The following MYO3B variants were observed in gnomAD, a reference collection of about 807,000 sequenced individuals.
MYO3B encodes the protein myosin-IIIb.
MYO3B carries 156 observed loss-of-function variants against 174.6 expected under a neutral mutation model. The ratio of observed to expected loss-of-function variants is 0.89; its 90% CI spans 0.78 to 1.02. MYO3B has a LOEUF of 1.02. MYO3B is among the 50% of genes least tolerant of loss of function. MYO3B has a pLI of 0.00. For synonymous variants in MYO3B, 563 were observed against 569.1 expected (o/e 0.99, Z 0.15); for missense variants, 1,632 against 1,639.4 (o/e 1.00, Z 0.08).
At chr2:170,539,578 T>C (rs1026936637) in intron 30 of MYO3B, among the ~76,000 whole-genome samples, 10 of 152,076 alleles carry the variant, frequency 6.6e-5, no homozygotes, top group Non-Finnish European at 1.3e-4. Context: ...TATTAACAGT[T>C]TGTCTATGAT....
chr2:170,380,930 A>G (rs2094330601), intron 9 of MYO3B, among the ~76,000 whole-genome samples: 1 of 152,206 alleles, frequency 6.6e-6, no homozygotes, highest in Non-Finnish European at 1.5e-5. Context: ...AGCCTGGACA[A>G]CAAAGCAAAA....
At position 170,178,919 on chromosome 2, in the gene MYO3B, T is replaced by C. The variant is rs1473486058; in HGVS notation, c.2+630T>C. Among the ~76,000 whole-genome samples, 6 of 152,174 alleles carry C rather than the reference T, an allele frequency of 3.9e-5. No homozygotes were observed. In the East Asian group the frequency reaches 1.2e-3, roughly 29 times the overall value. On this transcript the variant is annotated intron_variant, in intron 1 of 34. Coordinates refer to ENST00000408978, the MANE Select transcript of MYO3B (RefSeq NM_138995.5). ...TTTGGTAACATGACAATGTAAACAA[T>C]AGTAGATAAATTCCATTATGCCATG...
At chr2:170,544,453 A>G (rs1299725276) in intron 32 of MYO3B, among the ~76,000 whole-genome samples, 1 of 152,222 alleles carries the variant, frequency 6.6e-6, no homozygotes, top group Non-Finnish European at 1.5e-5. Context: ...GTCTTGCTAC[A>G]GAATATAGTA....
chr2:170,567,389 T>C (rs1692135302), intron 32 of MYO3B, among the ~76,000 whole-genome samples: 1 of 152,228 alleles, frequency 6.6e-6, no homozygotes, highest in Non-Finnish European at 1.5e-5. Context: ...CTGATTTTAG[T>C]TGATGCTAGT....
At chr2:170,441,289 A>C (rs934795446) in intron 22 of MYO3B, among the ~76,000 whole-genome samples, 2 of 152,158 alleles carry the variant, frequency 1.3e-5, no homozygotes, top group Non-Finnish European at 2.9e-5. Context: ...CCCAGCTAAG[A>C]CTTCCAGTAC....
Position 170,651,706 on chromosome 2 carries a change from A to T in MYO3B, c.3812A>T (p.Glu1271Val). Residue 1271 changes from glutamate (E) to valine (V), a missense_variant, in exon 33 of 35, where the codon GAG (glutamate) becomes GTG (valine). Glu to Val is a moderately radical substitution (Grantham distance 121, BLOSUM62 -2). Coordinates refer to ENST00000408978, the MANE Select transcript of MYO3B (RefSeq NM_138995.5). The stretch of plus-strand genomic sequence containing the variant: ...CAGCCCAAAATGCTGAGTAGCCCTG[A>T]GGACACCATGTACTATAACCAGTTA... ...CQQPKMLSSP[E>V]DTMYYNQLNG... is the part of the protein sequence containing the mutation. The T allele has an allele frequency of 6.2e-7, 1 of 1,614,124 alleles. No individual in the cohort carries two copies. The highest frequency in any genetic ancestry group is 1.1e-5 in the South Asian group (1 of 91,084).
At chr2:170,595,663 C>G (rs1219003703) in intron 32 of MYO3B, among the ~76,000 whole-genome samples, 16 of 152,068 alleles carry the variant, frequency 1.1e-4, no homozygotes, top group Admixed American at 9.8e-4. Flanking sequence ...AGTCTTGAAC[C>G]CTGGGCTCAA....
chr2:170,245,417 A>G (rs919846551), intron 7 of MYO3B, among the ~76,000 whole-genome samples: 1 of 152,198 alleles, frequency 6.6e-6, no homozygotes, highest in Non-Finnish European at 1.5e-5. Context: ...AGCACCCACT[A>G]CCAGCATCCC....
Position 170,236,034 on chromosome 2 carries a change from G to C in MYO3B, c.647G>C (p.Arg216Pro). 1 of 1,614,028 alleles carries C rather than the reference G, an allele frequency of 6.2e-7. No individual in the cohort carries two copies. Among genetic ancestry groups the C allele is most frequent in the Non-Finnish European group, 8.5e-7 (1 of 1,180,016 alleles). ...CAGTATGACTCTTCCTATGACGCTC[G>C]CTGTGACGTCTGGTCCTTGGGGATC... ...EQQYDSSYDA[R>P]CDVWSLGITA... The change falls in exon 7 of 35, where the codon CGC becomes CCC. Residue 216 changes from arginine to proline, a missense_variant. By Grantham distance (103) the Arg-to-Pro change is moderately radical. Coordinates refer to ENST00000408978, the MANE Select transcript of MYO3B (RefSeq NM_138995.5).
chr2:170,387,361 A>G lies in MYO3B; in HGVS notation c.1577+53A>G, dbSNP rs1354926586. 7.1e-6 allele frequency: 11 copies of G among 1,543,802 alleles called. No individual in the cohort carries two copies. In the East Asian group the frequency reaches 2.5e-4, roughly 35 times the overall value. On this transcript the variant is annotated intron_variant, in intron 14 of 34. Transcript: ENST00000408978. Reference sequence around the variant, plus strand: ...TTTGCCCTGCAGTAAAAACTGGGAGACTTTGGAAATTTTAATGGTTCAGTT... The same window carrying G: ...TTTGCCCTGCAGTAAAAACTGGGAGGCTTTGGAAATTTTAATGGTTCAGTT...
chr2:170,609,481 A>G (rs6725616), intron 32 of MYO3B, among the ~76,000 whole-genome samples: 32,423 of 152,108 alleles, frequency 0.21, 4,454 homozygotes, highest in East Asian at 0.44. Context: ...CACTGTGTGC[A>G]GGTGTGGAGG....
At chr2:170,293,806 CT>C (rs11347929) in intron 7 of MYO3B, among the ~76,000 whole-genome samples, 101,639 of 150,770 alleles carry the variant, frequency 0.67, 34,287 homozygotes, top group Admixed American at 0.73. Context: ...CCAAAGAAGC[CT>C]TTTTTTTTTA....
chr2:170,307,536 A>C lies in MYO3B; in HGVS notation c.750-27849A>C, dbSNP rs189969319. On this transcript the variant is annotated intron_variant, in intron 7 of 34. Coordinates refer to ENST00000408978, the MANE Select transcript of MYO3B (RefSeq NM_138995.5). ...TGATCCTCTTAAACTGTGAAATTCTATTTTAGTGTAGATTCCCTATCCTTC... is the reference window on the plus strand; with the variant it reads ...TGATCCTCTTAAACTGTGAAATTCTCTTTTAGTGTAGATTCCCTATCCTTC... 3.2e-4 allele frequency among the ~76,000 whole-genome samples: 49 copies of C among 152,148 alleles called. 1 individual carries two copies. The highest frequency in any genetic ancestry group is 3.9e-4 in the Admixed American group (6 of 15,278).
chr2:170,247,710 G>A (rs1489428405), intron 7 of MYO3B, among the ~76,000 whole-genome samples: 1 of 152,294 alleles, frequency 6.6e-6, no homozygotes, highest in Non-Finnish European at 1.5e-5. Context: ...GTAGCTTCTT[G>A]CTGTGTCTTC....
chr2:170,275,757 T>A (rs1334879856), intron 7 of MYO3B, among the ~76,000 whole-genome samples: 1 of 152,128 alleles, frequency 6.6e-6, no homozygotes, highest in Non-Finnish European at 1.5e-5. Context: ...TTAAAAAAAA[T>A]ACCTGGATTT....
At chr2:170,250,781 G>A (rs1383268660) in intron 7 of MYO3B, among the ~76,000 whole-genome samples, 1 of 152,116 alleles carries the variant, frequency 6.6e-6, no homozygotes, top group Non-Finnish European at 1.5e-5. Context: ...GATGGATGAG[G>A]AGCTGGACAG....
At chr2:170,379,677 C>T (rs906449397) in intron 9 of MYO3B, among the ~76,000 whole-genome samples, 4 of 152,144 alleles carry the variant, frequency 2.6e-5, no homozygotes, top group African/African-American at 9.7e-5. Flanking sequence ...TCTTTGCCAT[C>T]ACCAATATGT....
chr2:170,372,420 A>G (rs530358686), intron 9 of MYO3B, among the ~76,000 whole-genome samples: 1 of 152,312 alleles, frequency 6.6e-6, no homozygotes, highest in South Asian at 2.1e-4. Flanking sequence ...GTGCAAATTC[A>G]TCTTTTTACT....
chr2:170,365,660 C>A (rs1049510637), intron 8 of MYO3B, among the ~76,000 whole-genome samples: 1 of 152,162 alleles, frequency 6.6e-6, no homozygotes. Flanking sequence ...TAGAATAAAG[C>A]TATACCTTCA....
Sources: allele counts gnomAD v4.1 joint callset (sites outside exome capture counted in the v4.1 genomes callset), GRCh38; gene constraint gnomAD v4.1.1; transcripts MANE v1.5; gene names NCBI Gene and HGNC (gene_info 2026-07-23, HGNC 2026-07-21).